The following CIT variants were observed in gnomAD, a reference collection of about 807,000 sequenced individuals.
CIT encodes the protein citron rho-interacting serine/threonine kinase.
In CIT, 79 loss-of-function variants were observed where a neutral mutation model predicts 272.7. That is an observed-to-expected ratio of 0.29 (90% confidence interval 0.24 to 0.35). The LOEUF is 0.35. Among genes scored for constraint, CIT ranks in the 10% least tolerant of loss-of-function variants. The pLI is 1.00. For synonymous variants in CIT, 948 were observed against 995.6 expected, an observed-to-expected ratio of 0.95 and a Z score of 0.90; for missense variants, 1,909 against 2,618.3, an observed-to-expected ratio of 0.73 and a Z score of 5.91.
At chr12:119,771,694 G>A (rs143659718) in intron 17 of CIT, among the ~76,000 whole-genome samples, 73 of 152,286 alleles carry the variant, frequency 4.8e-4, no homozygotes, top group Non-Finnish European at 8.8e-4. Context: ...GAAGGAAGGA[G>A]AAGCTGGAGG....
intron 5 of CIT, among the ~76,000 whole-genome samples, chr12:119,840,722 T>C (rs1969352655): frequency 6.6e-6 from 1 of 152,246 alleles, no homozygotes; most frequent in South Asian, 2.1e-4. Context: ...TTCCAAACCC[T>C]GGCTTCAGAA....
At chr12:119,722,274 T>C (rs1405830144) in intron 28 of CIT, among the ~76,000 whole-genome samples, 4 of 152,214 alleles carry the variant, frequency 2.6e-5, no homozygotes, top group East Asian at 1.9e-4. Context: ...CCCTGGATTA[T>C]AGCTTAACTA....
At chr12:119,776,468 A>G (rs1472473272) in intron 14 of CIT, 60 bp from the exon 15 acceptor site, 1 of 1,429,344 alleles carries the variant, frequency 7.0e-7, no homozygotes, top group Non-Finnish European at 9.8e-7. Flanking sequence ...AGTCGTGTAG[A>G]CTACTTTCTT....
In CIT at chr12:119,723,612, G is replaced by A. The variant is rs184456944; in HGVS notation, c.3592-2163C>T. Among the ~76,000 whole-genome samples, 141 of 152,282 alleles carry A rather than the reference G, an allele frequency of 9.3e-4. 1 individual carries two copies. The highest frequency in any genetic ancestry group is 2.3e-3 in the South Asian group (11 of 4,820). ...ACAGGAAACTGGGAGGAAAAAGAAAGGGCCTGGATGATAGAACAAGAGCAT... is the reference window on the plus strand; with the variant it reads ...ACAGGAAACTGGGAGGAAAAAGAAAAGGCCTGGATGATAGAACAAGAGCAT... On this transcript the variant is annotated intron_variant, in intron 28 of 47. Coordinates refer to ENST00000392521, the MANE Select transcript of CIT (RefSeq NM_001206999.2).
chr12:119,861,579 C>G (rs1013584071), intron 3 of CIT, among the ~76,000 whole-genome samples: 1 of 150,940 alleles, frequency 6.6e-6, no homozygotes, highest in Non-Finnish European at 1.5e-5. Context: ...AAGAGCGAAA[C>G]TCCATCTCAA....
intron 3 of CIT, among the ~76,000 whole-genome samples, chr12:119,863,717 CG>C (rs540531244): frequency 4.0e-5 from 6 of 151,058 alleles, no homozygotes; most frequent in Admixed American, 2.0e-4. Flanking sequence ...AGTATAGAGA[CG>C]GGGGGGTTTC....
At chr12:119,798,939 A>C (rs192836433) in intron 10 of CIT, among the ~76,000 whole-genome samples, 183 of 152,326 alleles carry the variant, frequency 1.2e-3, no homozygotes, top group African/African-American at 4.0e-3. Flanking sequence ...CAGTTGTTTC[A>C]ACATAACCTG....
intron 23 of CIT, among the ~76,000 whole-genome samples, chr12:119,748,795 G>A (rs534472354): frequency 1.3e-5 from 2 of 152,320 alleles, no homozygotes; most frequent in African/African-American, 4.8e-5. Context: ...GAACAGAGGA[G>A]TGAAAACACA....
At chr12:119,711,232 T>C (rs986017292) in intron 37 of CIT, 5 of 554,396 alleles carry the variant, frequency 9.0e-6, no homozygotes, top group Non-Finnish European at 1.5e-5. Flanking sequence ...TGCTAACACA[T>C]AAAGTGTTTA....
intron 4 of CIT, among the ~76,000 whole-genome samples, chr12:119,855,981 G>A (rs771429416): frequency 1.3e-5 from 2 of 152,168 alleles, no homozygotes; most frequent in African/African-American, 4.8e-5. Context: ...TCAGGAGCTG[G>A]GAGGCTGAGT....
chr12:119,873,949 A>C (rs904511192), intron 2 of CIT, among the ~76,000 whole-genome samples: 4 of 152,144 alleles, frequency 2.6e-5, no homozygotes, highest in Non-Finnish European at 5.9e-5. Context: ...TTTTATAAGG[A>C]GTTTACTAAG....
intron 10 of CIT, among the ~76,000 whole-genome samples, chr12:119,785,357 C>T (rs1218463681): frequency 2.0e-5 from 3 of 152,020 alleles, no homozygotes; most frequent in African/African-American, 7.2e-5. Context: ...CACAAGGATC[C>T]TTATAAGATG....
chr12:119,750,943 C>T (rs946746831), intron 23 of CIT, among the ~76,000 whole-genome samples: 1 of 151,858 alleles, frequency 6.6e-6, no homozygotes, highest in Non-Finnish European at 1.5e-5. Context: ...TAAGTTGAGT[C>T]AGAATGAATA....
At chr12:119,860,711 A>C (rs1190923552) in intron 3 of CIT, among the ~76,000 whole-genome samples, 1 of 151,980 alleles carries the variant, frequency 6.6e-6, no homozygotes, top group Admixed American at 6.6e-5. Context: ...AACCATGACA[A>C]TACTCTCTTG....
At chr12:119,695,301 T>C (rs1027892316) in intron 46 of CIT, among the ~76,000 whole-genome samples, 2 of 152,102 alleles carry the variant, frequency 1.3e-5, no homozygotes, top group African/African-American at 4.8e-5. Context: ...CAGATCAGGA[T>C]TGAAGCTCCC....
At position 119,784,144 on chromosome 12, in the gene CIT, T is replaced by C; in HGVS notation, c.1402-93A>G. 1 of 1,612,290 alleles carries C rather than the reference T, an allele frequency of 6.2e-7. No individual in the cohort carries two copies. The highest frequency in any genetic ancestry group is 8.5e-7 in the Non-Finnish European group (1 of 1,179,040). On this transcript the variant is annotated intron_variant, in intron 11 of 47. Transcript: ENST00000392521. The surrounding 1 kb of genome is among the most constrained non-coding windows in gnomAD (Gnocchi z 4.7). ...TAGCCTCCGAAACCACCTGGTGGTC[T>C]GGGCTAAGGCTAATTCGCCAAAAGT...
At chr12:119,734,011 G>A (rs1210656175) in intron 26 of CIT, among the ~76,000 whole-genome samples, 153 bp downstream of exon 26, 1 of 151,848 alleles carries the variant, frequency 6.6e-6, no homozygotes, top group Non-Finnish European at 1.5e-5. Flanking sequence ...ATCCTGGTTT[G>A]CCCAAGAGTC....
chr12:119,830,975 A>G (rs1968576906), intron 7 of CIT, among the ~76,000 whole-genome samples: 1 of 152,056 alleles, frequency 6.6e-6, no homozygotes, highest in Non-Finnish European at 1.5e-5. Flanking sequence ...CAGCGATCCT[A>G]CTGTCTTGGC....
At chr12:119,717,414 CTTTTCTTTTTTTTTTTTTT>C (rs1476429258) in intron 32 of CIT, among the ~76,000 whole-genome samples, 1 of 109,462 alleles carries the variant, frequency 9.1e-6, no homozygotes, top group Non-Finnish European at 1.8e-5. Flanking sequence ...TTTTTCTTTT[CTTTTCTTTTTTTTTTTTTT>C]TTTTTGAGAT....
Sources: gnomAD v4.1 joint callset for allele counts (sites outside exome capture counted in the v4.1 genomes callset) on GRCh38, gnomAD v4.1.1 for gene constraint, Gnocchi (gnomAD v3.1) non-coding constraint, MANE v1.5 for transcripts, NCBI Gene and HGNC (gene_info 2026-07-23, HGNC 2026-07-21) for gene names.